The following MTHFD1L variants were observed in gnomAD, a reference collection of about 807,000 sequenced individuals.
The protein encoded by MTHFD1L is methylenetetrahydrofolate dehydrogenase (NADP+ dependent) 1 like.
Under a neutral mutation model 119.5 loss-of-function variants are expected in MTHFD1L, and 81 were observed. The ratio of observed to expected loss-of-function variants is 0.68; its 90% CI spans 0.57 to 0.82. The LOEUF (loss-of-function observed/expected upper bound fraction) is 0.82. MTHFD1L is among the 40% of genes least tolerant of loss of function. The pLI, the probability that MTHFD1L is intolerant of heterozygous loss-of-function variation, is 0.00. For synonymous variants in MTHFD1L, 430 were observed against 475.2 expected, an observed-to-expected ratio of 0.90 and a Z score of 1.24; for missense variants, 1,125 against 1,253.4, an observed-to-expected ratio of 0.90 and a Z score of 1.55.
intron 9 of MTHFD1L, among the ~76,000 whole-genome samples, chr6:150,921,582 A>C (rs1418692257): frequency 6.6e-6 from 1 of 151,886 alleles, no homozygotes; most frequent in Non-Finnish European, 1.5e-5. Flanking sequence ...AAGAGACAGA[A>C]TCTCAGCTAG....
In MTHFD1L at chr6:150,912,084, A is replaced by T. The variant is rs145455314; in HGVS notation, c.892+6323A>T. Among the ~76,000 whole-genome samples, 281 of 152,156 alleles carry T rather than the reference A, an allele frequency of 1.8e-3. 1 individual carries two copies. Among genetic ancestry groups the T allele is most frequent in the South Asian group, 3.7e-3 (18 of 4,832 alleles). ...CACTCACTATCATGAGAACAGCACC[A>T]ATGGGATGGCGCTAAGCCTTTCATG... On this transcript the variant is annotated intron_variant, in intron 8 of 27. Coordinates refer to ENST00000367321, the MANE Select transcript of MTHFD1L (RefSeq NM_015440.5).
chr6:151,085,875 A>G (rs1793742686), intron 26 of MTHFD1L, among the ~76,000 whole-genome samples: 1 of 151,788 alleles, frequency 6.6e-6, no homozygotes, highest in Admixed American at 6.6e-5. Flanking sequence ...GTGTCCTTGT[A>G]GTAAGCTCTT....
chr6:151,083,417 C>T (rs11155774), intron 26 of MTHFD1L, among the ~76,000 whole-genome samples: 38,319 of 152,058 alleles, frequency 0.25, 4,938 homozygotes, highest in South Asian at 0.32. Flanking sequence ...AGGATGGTCT[C>T]GATTTCTTGA....
intron 20 of MTHFD1L, among the ~76,000 whole-genome samples, chr6:150,984,050 C>T (rs1282457141): frequency 6.6e-6 from 1 of 152,220 alleles, no homozygotes; most frequent in Non-Finnish European, 1.5e-5. Flanking sequence ...GGATTACAGG[C>T]ATGAACCACT....
intron 4 of MTHFD1L, among the ~76,000 whole-genome samples, chr6:150,879,207 A>G (rs1002411441): frequency 2.6e-5 from 4 of 152,206 alleles, no homozygotes; most frequent in African/African-American, 9.7e-5. Context: ...AATATGTAAC[A>G]AATACCTATG....
At chr6:150,895,145 C>G (rs1393870442) in intron 7 of MTHFD1L, among the ~76,000 whole-genome samples, 1 of 152,240 alleles carries the variant, frequency 6.6e-6, no homozygotes, top group African/African-American at 2.4e-5. Context: ...ACCCAGCGTC[C>G]TGGGCCCTGC....
At chr6:150,916,496 TTTTGG>T (rs1787946113) in intron 8 of MTHFD1L, among the ~76,000 whole-genome samples, 1 of 51,698 alleles carries the variant, frequency 1.9e-5, no homozygotes, top group Admixed American at 2.1e-4. Flanking sequence ...TTTTTTTTTT[TTTTGG>T]TATTTTTAGT....
Position 150,865,967 on chromosome 6 carries a change from C to T in MTHFD1L, c.145C>T (p.Gln49Ter). The T allele has an allele frequency of 9.4e-6, 12 of 1,270,648 alleles. No individual in the cohort carries two copies. The highest frequency in any genetic ancestry group is 1.2e-5 in the Non-Finnish European group (12 of 1,013,252). The allele number at this position is 1,270,648 out of a possible 1,614,324, so 78.7% of individuals were successfully genotyped here. A position where few individuals can be genotyped will look rare whatever the true frequency, so the allele number is the denominator to read the frequency against. Residue 49 changes from glutamine to a stop codon, truncating the protein, a stop_gained, in exon 1 of 28, where the codon CAG (glutamine) becomes TAG (stop). Transcript: ENST00000367321. LOFTEE classifies it high-confidence loss of function. ...GGGGREGLLG[Q>*]RRPQDGQARS... ...CGGTGGCCGGGAGGGCCTGCTTGGA[C>T]AGCGGCGGCCGCAGGATGGCCAGGC...
At chr6:150,874,639 T>C (rs567278436) in intron 1 of MTHFD1L, among the ~76,000 whole-genome samples, 2 of 152,350 alleles carry the variant, frequency 1.3e-5, no homozygotes, top group East Asian at 3.9e-4. Flanking sequence ...TTTGGTCTAT[T>C]GTGAGAGGGG....
intron 24 of MTHFD1L, 24 bp downstream of exon 24, chr6:151,015,717 C>T: frequency 6.2e-7 from 1 of 1,607,914 alleles, no homozygotes. Flanking sequence ...AAAACAATGG[C>T]TCACATTTCT....
chr6:150,983,027 G>T (rs1200886217), intron 20 of MTHFD1L, among the ~76,000 whole-genome samples: 1 of 152,082 alleles, frequency 6.6e-6, no homozygotes, highest in Non-Finnish European at 1.5e-5. Context: ...GATTTTTTTA[G>T]CTCTTGCTAA....
chr6:151,023,731 A>G (rs1784273179), intron 24 of MTHFD1L, among the ~76,000 whole-genome samples: 1 of 152,240 alleles, frequency 6.6e-6, no homozygotes, highest in African/African-American at 2.4e-5. Flanking sequence ...AGCATGCAAA[A>G]TGATTGTCAC....
chr6:151,099,448 A>G (rs1795168345), intron 27 of MTHFD1L: 2 of 964,874 alleles, frequency 2.1e-6, no homozygotes, highest in East Asian at 4.8e-5. Context: ...TCTCTGAAAT[A>G]TTTTCTTTTT....
rs866901190 is a variant in MTHFD1L, at chr6:150,997,322, G to A, written c.2126-12497G>A. On this transcript the variant is annotated intron_variant, in intron 20 of 27. Coordinates refer to ENST00000367321, the MANE Select transcript of MTHFD1L (RefSeq NM_015440.5). ...ACTTCCCAATATTCTACAAAATAACGTTCAAACTGAACAGAGCTTGACTGA... is the reference window on the plus strand; with the variant it reads ...ACTTCCCAATATTCTACAAAATAACATTCAAACTGAACAGAGCTTGACTGA... Among the ~76,000 whole-genome samples, 6 of 152,216 alleles carry A rather than the reference G, an allele frequency of 3.9e-5. 1 individual carries two copies. The highest frequency in any genetic ancestry group is 6.8e-3 in the Middle Eastern group (2 of 292).
intron 24 of MTHFD1L, among the ~76,000 whole-genome samples, chr6:151,020,972 A>G (rs1054277333): frequency 1.3e-5 from 2 of 152,166 alleles, no homozygotes; most frequent in Admixed American, 6.5e-5. Flanking sequence ...TCAACTCTGC[A>G]TTATAGATGG....
chr6:150,945,187 A>G (rs888331985), intron 14 of MTHFD1L, among the ~76,000 whole-genome samples: 1 of 152,254 alleles, frequency 6.6e-6, no homozygotes. Flanking sequence ...TCTTTGCTAC[A>G]TAATCCAGAT....
At chr6:150,920,377 C>T (rs1388656131) in intron 9 of MTHFD1L, among the ~76,000 whole-genome samples, 1 of 152,178 alleles carries the variant, frequency 6.6e-6, no homozygotes, top group East Asian at 1.9e-4. Context: ...GTGCTGGAGC[C>T]TGCAGCAGTG....
chr6:150,958,271 C>G (rs1392465440), intron 17 of MTHFD1L, among the ~76,000 whole-genome samples: 2 of 152,290 alleles, frequency 1.3e-5, no homozygotes, highest in African/African-American at 4.8e-5. Flanking sequence ...CCTGTATCTT[C>G]ATTTTTAATG....
At chr6:150,951,211 T>C (rs1003400384) in intron 16 of MTHFD1L, among the ~76,000 whole-genome samples, 1 of 151,768 alleles carries the variant, frequency 6.6e-6, no homozygotes, top group Non-Finnish European at 1.5e-5. Flanking sequence ...TTCGTATTTT[T>C]AGTAGAGATG....
Sources: gnomAD v4.1 joint callset for allele counts (sites outside exome capture counted in the v4.1 genomes callset) on GRCh38, gnomAD v4.1.1 for gene constraint, MANE v1.5 for transcripts, NCBI Gene and HGNC (gene_info 2026-07-23, HGNC 2026-07-21) for gene names.